Variants in WDR1 observed in about 807,000 individuals in gnomAD.
The protein encoded by WDR1 is WD repeat-containing protein 1.
A neutral mutation model predicts 71.9 loss-of-function variants in WDR1; 21 were observed. That is an observed-to-expected ratio of 0.29 (90% CI 0.21 to 0.42). WDR1 has a LOEUF of 0.42. Among genes scored for constraint, WDR1 ranks in the 10% least tolerant of loss-of-function variants. The pLI is 1.00. For synonymous variants in WDR1, 424 were observed against 347.4 expected (o/e 1.22, Z -2.45); for missense variants, 696 against 824.5 (o/e 0.84, Z 1.91).
intron 13 of WDR1, 49 bp downstream of exon 13, chr4:10,077,703 CA>C: frequency 2.0e-6 from 3 of 1,502,050 alleles, no homozygotes; most frequent in Non-Finnish European, 2.7e-6. Context: ...CTCCCACTGC[CA>C]CCTGCACCGC....
At chr4:10,115,874 T>C (rs1309205392) in intron 2 of WDR1, 7 of 529,114 alleles carry the variant, frequency 1.3e-5, no homozygotes, top group Non-Finnish European at 1.4e-5. Context: ...CAGGGTGCTA[T>C]GACCGTAGAC....
intron 9 of WDR1, 88 bp downstream of exon 9, chr4:10,084,355 G>T (rs1765127341): frequency 3.2e-6 from 4 of 1,260,134 alleles, no homozygotes; most frequent in Admixed American, 2.0e-5. Context: ...GGAGCCACCT[G>T]GCTGGCCTGG....
intron 14 of WDR1, chr4:10,076,709 A>C (rs1411197699): frequency 6.6e-6 from 1 of 152,286 alleles, no homozygotes; most frequent in Admixed American, 6.5e-5. Context: ...TTAACACAAA[A>C]GGATGTCTTC....
At chr4:10,093,013 A>C (rs1038619722) in intron 5 of WDR1, 3 of 1,264,520 alleles carry the variant, frequency 2.4e-6, no homozygotes, top group African/African-American at 3.1e-5. Context: ...CACAGTCCTC[A>C]CTCCCTCCCA....
rs1294392514 is a variant in WDR1 at position 10,112,836 on chromosome 4, G to A, written c.138+3277C>T. On this transcript the variant is annotated intron_variant, in intron 2 of 14. Transcript: ENST00000499869. ...CTGTGTGCCAGACACTCTCTTAGGCGAGGACACGGCAGTGACTGAAAGAGA... is the reference window on the plus strand; with the variant it reads ...CTGTGTGCCAGACACTCTCTTAGGCAAGGACACGGCAGTGACTGAAAGAGA... Among the ~76,000 whole-genome samples, 3 of 152,194 alleles carry A rather than the reference G, an allele frequency of 2.0e-5. No individual in the cohort carries two copies. In the South Asian group the frequency reaches 6.2e-4, roughly 32 times the overall value.
intron 2 of WDR1, 153 bp downstream of exon 2, chr4:10,115,960 G>A: frequency 9.7e-7 from 1 of 1,033,790 alleles, no homozygotes; most frequent in Admixed American, 2.9e-5. Context: ...GCCGGCTTCC[G>A]GGGCTCCGAG....
At chr4:10,094,904 G>A (rs1712229891) in intron 5 of WDR1, 1 of 152,294 alleles carries the variant, frequency 6.6e-6, no homozygotes, top group Admixed American at 6.5e-5. Flanking sequence ...AACGCCTTCA[G>A]AACATGCCTT....
At chr4:10,098,870 G>A (rs1361391905) in intron 4 of WDR1, 122 bp downstream of exon 4, 6 of 1,423,630 alleles carry the variant, frequency 4.2e-6, no homozygotes, top group Non-Finnish European at 3.9e-6. Flanking sequence ...CACCTACTGG[G>A]AGCTCAACCC....
chr4:10,075,140 C>G lies in WDR1; in HGVS notation c.*238G>C, dbSNP rs976954549. On this transcript the variant is annotated 3_prime_UTR_variant, in exon 15 of 15. Coordinates refer to ENST00000499869, the MANE Select transcript of WDR1 (RefSeq NM_017491.5). ...GGTTGGGCTGTGGGTTTTAGTTATG[C>G]TCCACACATTGTTTAGGTGCTCGCT... The G allele has an allele frequency of 3.8e-6, 2 of 527,190 alleles. No individual in the cohort carries two copies. The highest frequency in any genetic ancestry group is 3.8e-5 in the African/African-American group (2 of 52,578). 32.7% of individuals were successfully genotyped at this position (527,190 alleles called of 1,614,324 possible).
At chr4:10,111,341 A>C (rs1297371421) in intron 2 of WDR1, among the ~76,000 whole-genome samples, 1 of 152,168 alleles carries the variant, frequency 6.6e-6, no homozygotes, top group Non-Finnish European at 1.5e-5. Context: ...CATCTGCAGA[A>C]GCCCAGCGTC....
rs528054485 is a variant in WDR1 at position 10,089,832 on chromosome 4, T to G, written c.559-1091A>C. On this transcript the variant is annotated intron_variant, in intron 5 of 14. Transcript: ENST00000499869. ...CCTGTGTGGGGGACCTGCCTGTGTT[T>G]GATTGTGTAATGTTTTCAGTTGAAT... Among the ~76,000 whole-genome samples the G allele has an allele frequency of 8.5e-5, 13 of 152,344 alleles. No homozygotes were observed. In the East Asian group the frequency reaches 2.5e-3, roughly 29 times the overall value.
At chr4:10,102,340 C>T (rs935347518) in intron 3 of WDR1, among the ~76,000 whole-genome samples, 3 of 152,240 alleles carry the variant, frequency 2.0e-5, no homozygotes, top group Admixed American at 6.5e-5. Context: ...AGTGTGACCT[C>T]GAAAACCATG....
intron 2 of WDR1, among the ~76,000 whole-genome samples, chr4:10,113,292 T>G (rs1330325879): frequency 6.6e-6 from 1 of 152,010 alleles, no homozygotes; most frequent in Non-Finnish European, 1.5e-5. Context: ...ACCCGGCAGG[T>G]GGAGGTTGCA....
At chr4:10,095,193 A>G (rs1306584992) in intron 5 of WDR1, among the ~76,000 whole-genome samples, 1 of 152,240 alleles carries the variant, frequency 6.6e-6, no homozygotes, top group African/African-American at 2.4e-5. Flanking sequence ...GCTGGTGCGG[A>G]GGCAAAGGCA....
chr4:10,115,681 T>G (rs1321611982), intron 2 of WDR1: 2 of 154,994 alleles, frequency 1.3e-5, no homozygotes, highest in African/African-American at 4.8e-5. Context: ...ACGAGAAAAC[T>G]GGGGCTCAGA....
At chr4:10,106,131 C>A (rs903311220) in intron 2 of WDR1, among the ~76,000 whole-genome samples, 1 of 151,982 alleles carries the variant, frequency 6.6e-6, no homozygotes, top group Non-Finnish European at 1.5e-5. Flanking sequence ...GCGGGGGGCA[C>A]CCTCCGGAGT....
intron 7 of WDR1, 82 bp downstream of exon 7, chr4:10,088,211 A>C (rs1211961245): frequency 7.4e-7 from 1 of 1,358,668 alleles, no homozygotes; most frequent in African/African-American, 1.4e-5. Context: ...TTTTTGTCTA[A>C]CTCCGGAGTG....
intron 9 of WDR1, among the ~76,000 whole-genome samples, chr4:10,083,772 AG>A (rs1765104905): frequency 6.6e-6 from 1 of 152,260 alleles, no homozygotes; most frequent in Non-Finnish European, 1.5e-5. Flanking sequence ...ACCCGTGAGC[AG>A]GGTGTCACCA....
At chr4:10,099,718 T>C (rs377301747) in intron 3 of WDR1, among the ~76,000 whole-genome samples, 2 of 152,258 alleles carry the variant, frequency 1.3e-5, no homozygotes, top group African/African-American at 4.8e-5. Context: ...CCGGGCTTCC[T>C]GTGCAGCTTC....
Sources: allele counts gnomAD v4.1 joint callset (sites outside exome capture counted in the v4.1 genomes callset), GRCh38; gene constraint gnomAD v4.1.1; transcripts MANE v1.5; gene names NCBI Gene and HGNC (gene_info 2026-07-23, HGNC 2026-07-21).